PIWIL3: variants seen among roughly 807,000 people sequenced by gnomAD.
The protein encoded by PIWIL3 is piwi like RNA-mediated gene silencing 3, also known as piwi-like protein 3.
PIWIL3 carries 101 observed loss-of-function variants against 109.7 expected under a neutral mutation model. The observed-to-expected ratio is 0.92, with a 90% CI of 0.78 to 1.09. The LOEUF (loss-of-function observed/expected upper bound fraction) is 1.09. Among genes scored for constraint, PIWIL3 ranks in the 50% least tolerant of loss-of-function variants. The pLI, the probability that PIWIL3 is intolerant of heterozygous loss-of-function variation, is 0.00. For synonymous variants in PIWIL3, 373 were observed against 376.4 expected, an observed-to-expected ratio of 0.99 and a Z score of 0.10; for missense variants, 1,031 against 1,072.6, an observed-to-expected ratio of 0.96 and a Z score of 0.54.
Position 24,756,587 on chromosome 22 carries a change from G to T in PIWIL3, c.474C>A (p.Leu158=). Reference sequence around the variant, plus strand: ...TATGTTGATCAAGTAAAATTGTACGGAGATTTCCATCTTCTATGTCTGGTT... The same window carrying T: ...TATGTTGATCAAGTAAAATTGTACGTAGATTTCCATCTTCTATGTCTGGTT... The part of the protein sequence containing the change: ...DYKPDIEDGN[L]RTILLDQHRR... Residue 158 remains leucine (L), a synonymous_variant, in exon 5 of 21, where the codon CTC becomes CTA. Transcript: ENST00000616349. 1 of 1,614,008 alleles carries T rather than the reference G, an allele frequency of 6.2e-7. No individual in the cohort carries two copies. The highest frequency in any genetic ancestry group is 8.5e-7 in the Non-Finnish European group (1 of 1,179,918).
At chr22:24,751,520 GTAT>G in intron 8 of PIWIL3, 22 bp from the exon 9 acceptor site, 1 of 1,601,780 alleles carries the variant, frequency 6.2e-7, no homozygotes, top group South Asian at 1.1e-5. Context: ...TTACAATATG[GTAT>G]TATTTGACTT....
chr22:24,724,756 G>A (rs1205749063), intron 18 of PIWIL3, 131 bp downstream of exon 18: 15 of 1,026,544 alleles, frequency 1.5e-5, no homozygotes, highest in East Asian at 2.7e-5. Context: ...ATTTTTTGTA[G>A]AGATTGGATC....
rs186957225 is a variant in PIWIL3, at chr22:24,749,029, T to C, written c.1335-8A>G. On this transcript the variant is annotated splice_region_variant and splice_polypyrimidine_tract_variant and intron_variant, in intron 11 of 20. Coordinates refer to ENST00000616349, the MANE Select transcript of PIWIL3 (RefSeq NM_001255975.1). ...TCTCGTACTTTTTTATTACTGAAAA[T>C]TAAAATATTGCCAACATGATCAAAC... is the stretch of plus-strand genomic sequence containing the variant. 9 of 1,589,518 alleles carry C rather than the reference T, an allele frequency of 5.7e-6. No individual in the cohort carries two copies. In the East Asian group the frequency reaches 1.8e-4, roughly 32 times the overall value.
intron 12 of PIWIL3, among the ~76,000 whole-genome samples, chr22:24,743,020 C>T (rs1173940457): frequency 6.6e-6 from 1 of 152,084 alleles, no homozygotes; most frequent in Non-Finnish European, 1.5e-5. Context: ...CCAGAATCTA[C>T]AAGGAACTCA....
chr22:24,723,271 G>GT lies in PIWIL3; in HGVS notation c.2232-17dup. 6.2e-7 allele frequency: 1 copy of GT among 1,602,946 alleles called. No homozygotes were observed. The highest frequency in any genetic ancestry group is 1.3e-5 in the African/African-American group (1 of 74,600). On this transcript the variant is annotated splice_polypyrimidine_tract_variant and intron_variant, in intron 18 of 20. Coordinates refer to ENST00000616349, the MANE Select transcript of PIWIL3 (RefSeq NM_001255975.1). ...TAGAGTGAAACTTAAAAAAATTAGG[G>GT]TAAGTGTCACTATGTTTACTCAGTC...
intron 8 of PIWIL3, among the ~76,000 whole-genome samples, chr22:24,751,729 AGTCAC>A (rs1417276653): frequency 1.3e-5 from 2 of 152,228 alleles, no homozygotes; most frequent in African/African-American, 4.8e-5. Flanking sequence ...AACCATAGGC[AGTCAC>A]TTCCCATTTT....
In PIWIL3 at chr22:24,754,122, C is replaced by G; in HGVS notation, c.869G>C (p.Arg290Pro). The G allele has an allele frequency of 6.2e-7, 1 of 1,613,686 alleles. No individual in the cohort carries two copies. The highest frequency in any genetic ancestry group is 1.3e-5 in the African/African-American group (1 of 75,012). ...TATGAAATCATAAGCAGTTTCTATTCGGAGCAGTTTGTGGCTCACATCGGC... is the reference window on the plus strand; with the variant it reads ...TATGAAATCATAAGCAGTTTCTATTGGGAGCAGTTTGTGGCTCACATCGGC... ...LCADVSHKLL[R>P]IETAYDFIKR... Residue 290 changes from arginine to proline, a missense_variant, in exon 8 of 21, where the codon CGA becomes CCA. Physicochemically the swap from Arg to Pro is moderately radical, Grantham distance 103. Coordinates refer to ENST00000616349, the MANE Select transcript of PIWIL3 (RefSeq NM_001255975.1).
intron 13 of PIWIL3, among the ~76,000 whole-genome samples, chr22:24,735,270 A>T (rs1923592895): frequency 6.6e-6 from 1 of 152,126 alleles, no homozygotes; most frequent in African/African-American, 2.4e-5. Flanking sequence ...ACTTTGGGTG[A>T]TTATGATATT....
intron 12 of PIWIL3, among the ~76,000 whole-genome samples, chr22:24,745,747 A>C (rs1924327122): frequency 6.6e-6 from 1 of 151,260 alleles, no homozygotes; most frequent in Non-Finnish European, 1.5e-5. Flanking sequence ...AAGAAGATCC[A>C]AATAAGTAAA....
chr22:24,740,006 G>T (rs1023148669), intron 12 of PIWIL3, among the ~76,000 whole-genome samples: 7 of 141,238 alleles, frequency 5.0e-5, no homozygotes, highest in Non-Finnish European at 9.1e-5. Flanking sequence ...AGCCAAGATG[G>T]TGCCCACTGC....
rs1384546796 is a variant in PIWIL3, at chr22:24,733,937, A to G, written c.1707+147T>C. On this transcript the variant is annotated intron_variant, in intron 14 of 20. Coordinates refer to ENST00000616349, the MANE Select transcript of PIWIL3 (RefSeq NM_001255975.1). The stretch of plus-strand genomic sequence containing the variant: ...GATACTCAGGAATAGCTAAACCATG[A>G]AAGTTTGTATTCAGCTAATAGCAGG... The G allele has an allele frequency of 6.7e-6, 5 of 742,010 alleles. No homozygotes were observed. The African/African-American group carries it at 9.1e-5, about 13-fold the overall frequency. The allele number at this position is 742,010 out of a possible 1,614,324, so 46.0% of individuals were successfully genotyped here. A position where few individuals can be genotyped will look rare whatever the true frequency, so the allele number is the denominator to read the frequency against.
At chr22:24,765,343 C>A (rs1185380398) in intron 1 of PIWIL3, among the ~76,000 whole-genome samples, 3 of 152,122 alleles carry the variant, frequency 2.0e-5, no homozygotes, top group African/African-American at 7.2e-5. Context: ...AACAAAAAAA[C>A]CAGCGCATCT....
intron 19 of PIWIL3, among the ~76,000 whole-genome samples, chr22:24,722,516 C>A (rs899736090): frequency 2.6e-5 from 4 of 152,036 alleles, no homozygotes; most frequent in Non-Finnish European, 4.4e-5. Flanking sequence ...AGTTCGAGAC[C>A]AGCCTGGCCA....
intron 7 of PIWIL3, 98 bp downstream of exon 7, chr22:24,754,686 C>A (rs1924915979): frequency 2.0e-6 from 2 of 985,714 alleles, no homozygotes; most frequent in East Asian, 2.4e-5. Flanking sequence ...AAGGCCATCA[C>A]TTTTAAGGCA....
intron 12 of PIWIL3, among the ~76,000 whole-genome samples, chr22:24,746,752 A>T (rs1482244561): frequency 1.3e-5 from 2 of 152,096 alleles, no homozygotes; most frequent in Admixed American, 1.3e-4. Context: ...TCCCATTTAC[A>T]ATAGATAAAA....
At chr22:24,740,220 A>AAAAAAAAAAAAT (rs1923914537) in intron 12 of PIWIL3, among the ~76,000 whole-genome samples, 1 of 146,626 alleles carries the variant, frequency 6.8e-6, no homozygotes, top group Non-Finnish European at 1.5e-5. Context: ...GACTGTCTCA[A>AAAAAAAAAAAAT]AAAAAAAAAA....
chr22:24,752,033 C>T (rs1026461649), intron 8 of PIWIL3, among the ~76,000 whole-genome samples: 13 of 152,130 alleles, frequency 8.5e-5, no homozygotes, highest in Non-Finnish European at 7.4e-5. Flanking sequence ...AGGTTATGAA[C>T]ATTTATGTGC....
At chr22:24,770,050 C>G (rs959331668) in intron 1 of PIWIL3, among the ~76,000 whole-genome samples, 1 of 152,134 alleles carries the variant, frequency 6.6e-6, no homozygotes, top group Non-Finnish European at 1.5e-5. Flanking sequence ...ATGCAGAACC[C>G]ATGGATACAG....
rs755752919 is a variant in PIWIL3, at chr22:24,757,984, T to C, written c.279A>G (p.Arg93=). Residue 93 remains arginine (R), a synonymous_variant, in exon 4 of 21, where the codon AGA becomes AGG. Transcript: ENST00000616349. ...GGTCTTGAAAAACTCCACCAATCCT[T>C]CTCTCCTGCAAGGGCGCTGTATGCA... The part of the protein sequence containing the change: ...AGLHTAPLQE[R]RIGGVFQDLV... 6.2e-7 allele frequency: 1 copy of C among 1,613,866 alleles called. No individual in the cohort carries two copies. The highest frequency in any genetic ancestry group is 1.1e-5 in the South Asian group (1 of 91,046).
Sources: allele counts gnomAD v4.1 joint callset (sites outside exome capture counted in the v4.1 genomes callset), GRCh38; gene constraint gnomAD v4.1.1; transcripts MANE v1.5; gene names NCBI Gene and HGNC (gene_info 2026-07-23, HGNC 2026-07-21).